VPS13D: variants seen among roughly 807,000 people sequenced by gnomAD.
VPS13D encodes intermembrane lipid transfer protein VPS13D.
VPS13D carries 187 observed loss-of-function variants against 461.9 expected under a neutral mutation model. That is an observed-to-expected ratio of 0.40 (90% confidence interval 0.36 to 0.46). The LOEUF (loss-of-function observed/expected upper bound fraction) is 0.46. Ranked by LOEUF, VPS13D falls within the 20% of genes least tolerant of loss-of-function variation. The pLI is 0.60. For missense variants in VPS13D, 4,711 were observed against 5,364.9 expected (o/e 0.88, Z 3.81); for synonymous variants, 1,951 against 1,986.3 (o/e 0.98, Z 0.47).
intron 5 of VPS13D, among the ~76,000 whole-genome samples, chr1:12,247,562 G>C (rs1569664672): frequency 6.6e-6 from 1 of 152,050 alleles, no homozygotes; most frequent in South Asian, 2.1e-4. Flanking sequence ...TTGTGTACTA[G>C]TGGGTGTGAA....
intron 65 of VPS13D, among the ~76,000 whole-genome samples, chr1:12,432,414 A>G (rs1369339939): frequency 6.6e-6 from 1 of 151,738 alleles, no homozygotes; most frequent in Non-Finnish European, 1.5e-5. Context: ...AAAAAAGAAA[A>G]GAGCGAAAAC....
intron 50 of VPS13D, 143 bp from the exon 51 acceptor site, chr1:12,362,577 T>A (rs1369427820): frequency 1.2e-6 from 1 of 826,302 alleles, no homozygotes; most frequent in Non-Finnish European, 1.9e-6. Flanking sequence ...TTTCATTACA[T>A]TCCTAGAAGG....
chr1:12,387,313 T>C (rs1423594946), intron 60 of VPS13D, among the ~76,000 whole-genome samples: 1 of 152,212 alleles, frequency 6.6e-6, no homozygotes, highest in Non-Finnish European at 1.5e-5. Flanking sequence ...AAATTAACCA[T>C]ATCCTTGAAT....
At chr1:12,368,722 A>T (rs926679883) in intron 53 of VPS13D, 131 bp downstream of exon 53, 1 of 1,117,360 alleles carries the variant, frequency 8.9e-7, no homozygotes, top group Non-Finnish European at 1.2e-6. Context: ...TAGGTTCTTT[A>T]TATCTGGACA....
At chr1:12,321,042 C>A (rs1392348414) in intron 32 of VPS13D, among the ~76,000 whole-genome samples, 2 of 152,142 alleles carry the variant, frequency 1.3e-5, no homozygotes, top group Non-Finnish European at 2.9e-5. Context: ...AATGATTGGT[C>A]TTTTCTTTCC....
chr1:12,359,164 G>C (rs1165536233), intron 50 of VPS13D, among the ~76,000 whole-genome samples: 1 of 152,182 alleles, frequency 6.6e-6, no homozygotes, highest in Non-Finnish European at 1.5e-5. Flanking sequence ...GGAAAGGGGA[G>C]GGGAGGATAC....
At position 12,363,205 on chromosome 1, in the gene VPS13D, G is replaced by A. The variant is rs1295350719; in HGVS notation, c.10406G>A (p.Gly3469Asp). ...GTTCCCAATTGTATTTGGTCTGGAG[G>A]CTTTGAAGTCAACAAGAATAATTCC... ...MDVPNCIWSG[G>D]FEVNKNNSFH... Residue 3469 changes from glycine to aspartate, a missense_variant, in exon 52 of 70, where the codon GGC (glycine) becomes GAC (aspartate). Transcript: ENST00000620676. The A allele has an allele frequency of 1.9e-6, 3 of 1,614,044 alleles. No individual in the cohort carries two copies. Among genetic ancestry groups the A allele is most frequent in the South Asian group, 1.1e-5 (1 of 91,088 alleles).
chr1:12,446,701 T>C (rs1160858293), intron 65 of VPS13D, among the ~76,000 whole-genome samples: 1 of 152,162 alleles, frequency 6.6e-6, no homozygotes, highest in Non-Finnish European at 1.5e-5. Context: ...TTAGCAAATG[T>C]TTTAGCTTTG....
chr1:12,395,630 C>T (rs1644485025), intron 60 of VPS13D, among the ~76,000 whole-genome samples: 1 of 152,076 alleles, frequency 6.6e-6, no homozygotes, highest in Non-Finnish European at 1.5e-5. Context: ...TTACTTTGTC[C>T]ACTGAACTTA....
intron 69 of VPS13D, among the ~76,000 whole-genome samples, chr1:12,508,644 A>G (rs1646145376): frequency 6.7e-6 from 1 of 149,926 alleles, no homozygotes; most frequent in Non-Finnish European, 1.5e-5. Flanking sequence ...CGGGAGGCGG[A>G]GGTTGCAGTG....
Position 12,318,257 on chromosome 1 carries a change from T to C in VPS13D, c.7334T>C (p.Val2445Ala), listed in dbSNP as rs781163174. Residue 2445 changes from valine to alanine, a missense_variant, in exon 31 of 70, where the codon GTG becomes GCG. Around this residue, in one of 3 missense-constraint regions of VPS13D, gnomAD observed 4,411 missense variants for 4,937.8 expected, o/e 0.89. Transcript: ENST00000620676. Reference protein sequence around the residue: ...SSESAIVPKTVKSGVVTKRSS... With the variant: ...SSESAIVPKTAKSGVVTKRSS... ...GAATCTGCTATAGTTCCCAAAACTGTGAAGAGTGGAGTAGTTACCAAGCGG... is the reference window on the plus strand; with the variant it reads ...GAATCTGCTATAGTTCCCAAAACTGCGAAGAGTGGAGTAGTTACCAAGCGG... 1 of 1,614,184 alleles carries C rather than the reference T, an allele frequency of 6.2e-7. No individual in the cohort carries two copies. The highest frequency in any genetic ancestry group is 1.1e-5 in the South Asian group (1 of 91,084).
intron 60 of VPS13D, among the ~76,000 whole-genome samples, chr1:12,387,510 T>A (rs1472056396): frequency 6.6e-6 from 1 of 151,958 alleles, no homozygotes; most frequent in Non-Finnish European, 1.5e-5. Context: ...TGGAGGACGT[T>A]AAAACTGTTA....
intron 67 of VPS13D, among the ~76,000 whole-genome samples, chr1:12,466,192 C>T (rs1645481182): frequency 6.6e-6 from 1 of 151,622 alleles, no homozygotes; most frequent in South Asian, 2.1e-4. Flanking sequence ...TTAACTTTTT[C>T]ATCCTAGCTG....
Position 12,509,896 on chromosome 1 carries a change from A to G in VPS13D, c.*872A>G, listed in dbSNP as rs913325285. 7 of 151,760 alleles carry G rather than the reference A, an allele frequency of 4.6e-5. No individual in the cohort carries two copies. Among genetic ancestry groups the G allele is most frequent in the Non-Finnish European group, 7.4e-5 (5 of 67,964 alleles). The allele number at this position is 151,760 out of a possible 1,614,324, so 9.4% of individuals were successfully genotyped here. A position where few individuals can be genotyped will look rare whatever the true frequency, so the allele number is the denominator to read the frequency against. ...TGGTAAACTCTGTTGATTGAGAAGG[A>G]AAAAAAAAGTCCCATTGAACTGTTG... On this transcript the variant is annotated 3_prime_UTR_variant, in exon 70 of 70. Transcript: ENST00000620676.
intron 43 of VPS13D, 139 bp downstream of exon 43, chr1:12,345,648 C>G: frequency 8.5e-7 from 1 of 1,171,740 alleles, no homozygotes; most frequent in South Asian, 2.1e-5. Context: ...CAGTCATAGG[C>G]ATTGGTAATC....
In VPS13D at chr1:12,415,453, G is replaced by C. The variant is rs139402929; in HGVS notation, c.12165+232G>C. The stretch of plus-strand genomic sequence containing the variant: ...TTCATCCCTCAGAGCTAGTCTGAGG[G>C]GTTCCTGCTAGATTAATCATGACTC... On this transcript the variant is annotated intron_variant, in intron 64 of 69. Transcript: ENST00000620676. Among the ~76,000 whole-genome samples the C allele has an allele frequency of 4.0e-3, 610 of 152,200 alleles. 3 individuals carry two copies. The highest frequency in any genetic ancestry group is 5.5e-3 in the Non-Finnish European group (375 of 68,014).
In VPS13D at chr1:12,258,032, C is replaced by G. The variant is rs756749455; in HGVS notation, c.1039C>G (p.Arg347Gly). 2.5e-6 allele frequency: 4 copies of G among 1,614,132 alleles called. No homozygotes were observed. The highest frequency in any genetic ancestry group is 1.3e-5 in the African/African-American group (1 of 75,004). Residue 347 changes from arginine (R) to glycine (G), a missense_variant, in exon 10 of 70, where the codon CGT (arginine) becomes GGT (glycine). This residue lies in a region of VPS13D where 4,411 missense variants were observed against 4,937.8 expected (regional missense o/e 0.89). Coordinates refer to ENST00000620676, the MANE Select transcript of VPS13D (RefSeq NM_015378.4). ...CTGGGACTTTATGTTGCACCGCGCT[C>G]GTGATGCTGTATCTTACACTGACAA... ...CTWDFMLHRARDAVSYTDKYF... is the reference protein window; with the variant it reads ...CTWDFMLHRAGDAVSYTDKYF...
At chr1:12,478,795 G>A (rs1265200849) in intron 67 of VPS13D, 1 of 456,102 alleles carries the variant, frequency 2.2e-6, no homozygotes, top group Admixed American at 2.3e-5. Context: ...TCTGTTTGTG[G>A]TATAATGTTG....
intron 38 of VPS13D, among the ~76,000 whole-genome samples, chr1:12,333,670 A>T (rs1643384330): frequency 6.6e-6 from 1 of 152,210 alleles, no homozygotes; most frequent in African/African-American, 2.4e-5. Flanking sequence ...AATGTCCTGG[A>T]AGTGAGTTTA....
Sources: gnomAD v4.1 joint callset for allele counts (sites outside exome capture counted in the v4.1 genomes callset) on GRCh38, gnomAD v4.1.1 for gene constraint, gnomAD v4.1.1 regional missense constraint, MANE v1.5 for transcripts, NCBI Gene and HGNC (gene_info 2026-07-23, HGNC 2026-07-21) for gene names.